KCNJ6: variants seen among roughly 807,000 people sequenced by gnomAD.
KCNJ6 encodes the protein potassium inwardly rectifying channel subfamily J member 6.
A neutral mutation model predicts 34.2 loss-of-function variants in KCNJ6; 9 were observed. The ratio of observed to expected loss-of-function variants is 0.26; its 90% confidence interval spans 0.16 to 0.46. The LOEUF is 0.46. Ranked by LOEUF, KCNJ6 falls within the 20% of genes least tolerant of loss-of-function variation. KCNJ6 has a pLI of 1.00. For synonymous variants in KCNJ6, 196 were observed against 207.1 expected (o/e 0.95, Z 0.46); for missense variants, 236 against 531.3 (o/e 0.44, Z 5.46).
intron 2 of KCNJ6, among the ~76,000 whole-genome samples, chr21:37,780,570 G>GT (rs1399174083): frequency 6.6e-6 from 1 of 151,108 alleles, no homozygotes; most frequent in Non-Finnish European, 1.5e-5. Context: ...CTGTGTGTGT[G>GT]TATGTGGTGG....
intron 2 of KCNJ6, among the ~76,000 whole-genome samples, chr21:37,811,682 A>AT (rs555800045): frequency 9.2e-4 from 137 of 149,074 alleles, no homozygotes; most frequent in Admixed American, 1.6e-3. Flanking sequence ...AAATTTGTGA[A>AT]TTTTTTTTTT....
At chr21:37,880,278 G>A (rs1202651654) in intron 1 of KCNJ6, among the ~76,000 whole-genome samples, 4 of 152,102 alleles carry the variant, frequency 2.6e-5, no homozygotes, top group African/African-American at 7.2e-5. Flanking sequence ...AGAACAAAAT[G>A]TGCATTGTCC....
chr21:37,892,425 C>T (rs1263029601), intron 1 of KCNJ6, among the ~76,000 whole-genome samples: 1 of 152,186 alleles, frequency 6.6e-6, no homozygotes, highest in Admixed American at 6.5e-5. Flanking sequence ...CTCTGACCTC[C>T]AGGTTTAATG....
At chr21:37,626,277 C>T (rs543313521) in intron 3 of KCNJ6, among the ~76,000 whole-genome samples, 13 of 152,142 alleles carry the variant, frequency 8.5e-5, no homozygotes, top group African/African-American at 3.1e-4. Context: ...ACTACAGGTG[C>T]ACACCGCCAT....
At chr21:37,761,485 G>A (rs1040210759) in intron 2 of KCNJ6, among the ~76,000 whole-genome samples, 15 of 149,848 alleles carry the variant, frequency 1.0e-4, no homozygotes, top group Non-Finnish European at 1.5e-4. Flanking sequence ...GTATATTTGC[G>A]TGTGTGTTGT....
intron 3 of KCNJ6, among the ~76,000 whole-genome samples, chr21:37,655,895 T>A (rs1369695103): frequency 6.6e-6 from 1 of 152,242 alleles, no homozygotes; most frequent in Non-Finnish European, 1.5e-5. Context: ...GGTGTGGAAC[T>A]TCCCCTATGT....
chr21:37,627,029 G>A (rs748962839), intron 3 of KCNJ6, among the ~76,000 whole-genome samples: 18 of 152,248 alleles, frequency 1.2e-4, no homozygotes, highest in African/African-American at 3.6e-4. Flanking sequence ...TAAGTATTAC[G>A]CAGCTGCTTT....
intron 3 of KCNJ6, among the ~76,000 whole-genome samples, chr21:37,705,229 A>T (rs1709815): frequency 6.6e-6 from 1 of 152,018 alleles, no homozygotes; most frequent in African/African-American, 2.4e-5. Flanking sequence ...GGATTTGTGT[A>T]GGCTCCTCTA....
intron 2 of KCNJ6, among the ~76,000 whole-genome samples, chr21:37,816,583 G>C (rs912975064): frequency 6.6e-6 from 1 of 152,236 alleles, no homozygotes; most frequent in East Asian, 1.9e-4. Flanking sequence ...GCTGGAAAAG[G>C]TTGGGCATTG....
intron 3 of KCNJ6, among the ~76,000 whole-genome samples, chr21:37,692,791 G>A (rs1426604194): frequency 6.6e-6 from 1 of 152,176 alleles, no homozygotes; most frequent in Non-Finnish European, 1.5e-5. Context: ...TCAGCGATCT[G>A]CCAAGGAACC....
chr21:37,753,881 T>C (rs962196825), intron 2 of KCNJ6, among the ~76,000 whole-genome samples: 1 of 152,202 alleles, frequency 6.6e-6, no homozygotes, highest in Non-Finnish European at 1.5e-5. Context: ...ATGCCTTTCA[T>C]TCCCATGGGA....
chr21:37,794,777 T>C (rs1313697512), intron 2 of KCNJ6, among the ~76,000 whole-genome samples: 1 of 151,866 alleles, frequency 6.6e-6, no homozygotes, highest in Non-Finnish European at 1.5e-5. Context: ...ACCTAATGCA[T>C]GTGGGGCTTA....
chr21:37,868,410 G>A lies in KCNJ6; in HGVS notation c.-27-27701C>T, dbSNP rs866176415. On this transcript the variant is annotated intron_variant, in intron 1 of 3. Transcript: ENST00000609713. ...GTGTGTGTATCCTATAAAACATGGT[G>A]TGCCTTCAACAAGTAAATTATACAT... 3.3e-5 allele frequency among the ~76,000 whole-genome samples: 5 copies of A among 152,262 alleles called. No homozygotes were observed. The Middle Eastern group carries it at 0.01, about 311-fold the overall frequency.
intron 1 of KCNJ6, among the ~76,000 whole-genome samples, chr21:37,868,243 C>T (rs896850839): frequency 3.3e-5 from 5 of 152,186 alleles, no homozygotes; most frequent in African/African-American, 1.2e-4. Context: ...TACATGACTA[C>T]AGCTAGCGAG....
chr21:37,827,715 G>A (rs1284045307), intron 2 of KCNJ6, among the ~76,000 whole-genome samples: 1 of 151,900 alleles, frequency 6.6e-6, no homozygotes, highest in African/African-American at 2.4e-5. Context: ...TATGTTACAT[G>A]TTTTATATGC....
At chr21:37,847,626 C>G (rs990119219) in intron 1 of KCNJ6, among the ~76,000 whole-genome samples, 1 of 152,082 alleles carries the variant, frequency 6.6e-6, no homozygotes, top group Non-Finnish European at 1.5e-5. Context: ...CAGTTTGGTC[C>G]AGAAGGCAAG....
intron 3 of KCNJ6, among the ~76,000 whole-genome samples, chr21:37,664,299 A>G (rs1447767682): frequency 6.6e-6 from 1 of 152,138 alleles, no homozygotes; most frequent in Non-Finnish European, 1.5e-5. Flanking sequence ...AGAGAGAAAA[A>G]GTAACAGAAT....
chr21:37,707,898 C>G (rs1180240523), intron 3 of KCNJ6, among the ~76,000 whole-genome samples: 1 of 151,814 alleles, frequency 6.6e-6, no homozygotes, highest in Non-Finnish European at 1.5e-5. Context: ...AGACTTCACA[C>G]GATTTGACGT....
chr21:37,775,875 C>T (rs934238930), intron 2 of KCNJ6, among the ~76,000 whole-genome samples: 1 of 151,698 alleles, frequency 6.6e-6, no homozygotes, highest in Non-Finnish European at 1.5e-5. Flanking sequence ...TAGTTTTTTC[C>T]AATTCTGTGA....
Sources: gnomAD v4.1 joint callset for allele counts (sites outside exome capture counted in the v4.1 genomes callset) on GRCh38, gnomAD v4.1.1 for gene constraint, MANE v1.5 for transcripts, NCBI Gene and HGNC (gene_info 2026-07-23, HGNC 2026-07-21) for gene names.